KHDRBS2: variants seen among roughly 807,000 people sequenced by gnomAD.
The protein encoded by KHDRBS2 is KH domain-containing, RNA-binding, signal transduction-associated protein 2.
A neutral mutation model predicts 44.3 loss-of-function variants in KHDRBS2; 26 were observed. That is an observed-to-expected ratio of 0.59 (90% CI 0.43 to 0.81). KHDRBS2 has a LOEUF of 0.81. KHDRBS2 is among the 40% of genes least tolerant of loss of function. KHDRBS2 has a pLI of 0.00. For synonymous variants in KHDRBS2, 194 were observed against 151.1 expected (o/e 1.28, Z -2.08); for missense variants, 476 against 433.1 (o/e 1.10, Z -0.88).
At chr6:61,584,476 A>G in the KHDRBS2 span, among the ~76,000 whole-genome samples, 6 of 151,892 alleles carry the variant, frequency 4.0e-5, no homozygotes, top group Non-Finnish European at 7.4e-5. Flanking sequence ...AATCTGCTAA[A>G]GTGATTAACT....
chr6:61,599,233 C>T, the KHDRBS2 span, among the ~76,000 whole-genome samples: 423 of 152,178 alleles, frequency 2.8e-3, no homozygotes, highest in Admixed American at 3.5e-3. Context: ...CTGATTTATA[C>T]GCTCTTTTTG....
At chr6:62,065,723 T>C (rs1793492051) in intron 2 of KHDRBS2, among the ~76,000 whole-genome samples, 1 of 150,172 alleles carries the variant, frequency 6.7e-6, no homozygotes, top group Non-Finnish European at 1.5e-5. Context: ...GCATGGCACA[T>C]GTATACATAT....
chr6:61,639,256 T>G, the KHDRBS2 span, among the ~76,000 whole-genome samples: 1 of 152,100 alleles, frequency 6.6e-6, no homozygotes, highest in Non-Finnish European at 1.5e-5. Context: ...CTTTTTAGCT[T>G]GCCATTCAAT....
At chr6:61,993,515 C>T (rs1463726465) in intron 3 of KHDRBS2, among the ~76,000 whole-genome samples, 2 of 151,218 alleles carry the variant, frequency 1.3e-5, no homozygotes, top group African/African-American at 4.8e-5. Context: ...AGCATATCCC[C>T]CTCCCCACCA....
At chr6:62,275,467 AT>A (rs1585567578) in intron 1 of KHDRBS2, among the ~76,000 whole-genome samples, 1 of 152,234 alleles carries the variant, frequency 6.6e-6, no homozygotes, top group East Asian at 1.9e-4. Flanking sequence ...TCCATTTATC[AT>A]TTTCAGGAAT....
At chr6:61,567,359 C>T in the KHDRBS2 span, among the ~76,000 whole-genome samples, 1 of 152,290 alleles carries the variant, frequency 6.6e-6, no homozygotes, top group African/African-American at 2.4e-5. Context: ...CTGTCTTGGT[C>T]ACAAAGATAA....
intron 6 of KHDRBS2, among the ~76,000 whole-genome samples, chr6:61,757,537 A>G (rs961310865): frequency 6.6e-6 from 1 of 152,144 alleles, no homozygotes; most frequent in African/African-American, 2.4e-5. Context: ...GTGACAATCT[A>G]TGGGTTTTAA....
At chr6:62,073,900 A>G (rs1428697340) in intron 2 of KHDRBS2, among the ~76,000 whole-genome samples, 1 of 151,772 alleles carries the variant, frequency 6.6e-6, no homozygotes, top group Non-Finnish European at 1.5e-5. Flanking sequence ...AGAACGGCAG[A>G]TCACTTTGGA....
intron 6 of KHDRBS2, among the ~76,000 whole-genome samples, chr6:61,861,645 G>A (rs1042368679): frequency 4.8e-5 from 7 of 144,834 alleles, no homozygotes; most frequent in Admixed American, 3.4e-4. Flanking sequence ...CAGGTAGCAC[G>A]ATGCCTCCAG....
intron 4 of KHDRBS2, among the ~76,000 whole-genome samples, chr6:61,907,121 T>C (rs76742956): frequency 1.3e-5 from 2 of 152,220 alleles, no homozygotes; most frequent in Admixed American, 6.5e-5. Flanking sequence ...TGATATCTCA[T>C]TGCAGTTTTG....
chr6:61,707,353 T>C (rs568501498), intron 7 of KHDRBS2, among the ~76,000 whole-genome samples: 7 of 151,754 alleles, frequency 4.6e-5, no homozygotes, highest in Admixed American at 2.0e-4. Flanking sequence ...TTCTTCATCT[T>C]TGCCATCAGG....
intron 2 of KHDRBS2, among the ~76,000 whole-genome samples, chr6:62,092,122 T>C (rs1457203488): frequency 1.3e-5 from 2 of 152,062 alleles, no homozygotes; most frequent in Admixed American, 6.6e-5. Context: ...TCTCCAGTTT[T>C]TTTTTTTAAT....
intron 6 of KHDRBS2, among the ~76,000 whole-genome samples, chr6:61,805,705 G>T (rs1787041820): frequency 6.6e-6 from 1 of 152,048 alleles, no homozygotes; most frequent in African/African-American, 2.4e-5. Context: ...GAGTGAAGGG[G>T]GCTAAAGTCC....
chr6:62,203,672 C>T lies in KHDRBS2; in HGVS notation c.92-26360G>A, dbSNP rs866216102. ...AGGAGTGCACAAGGGGTAGCCATAG[C>T]TGAATCATAAAAGACTTTATATAAA... On this transcript the variant is annotated intron_variant, in intron 1 of 8. Transcript: ENST00000281156. Among the ~76,000 whole-genome samples, 3 of 152,140 alleles carry T rather than the reference C, an allele frequency of 2.0e-5. No homozygotes were observed. The Middle Eastern group carries it at 0.01, about 517-fold the overall frequency.
chr6:61,600,189 C>T, the KHDRBS2 span, among the ~76,000 whole-genome samples: 1 of 152,172 alleles, frequency 6.6e-6, no homozygotes, highest in African/African-American at 2.4e-5. Flanking sequence ...TGGTAAGTGT[C>T]AGGCCTCTGA....
chr6:61,873,540 A>G (rs1314981022), intron 6 of KHDRBS2, among the ~76,000 whole-genome samples: 1 of 151,794 alleles, frequency 6.6e-6, no homozygotes, highest in Admixed American at 6.6e-5. Context: ...TAGAAGAACA[A>G]TTTATCTCAA....
the KHDRBS2 span, among the ~76,000 whole-genome samples, chr6:61,643,550 C>A: frequency 2.0e-5 from 3 of 152,090 alleles, no homozygotes; most frequent in Non-Finnish European, 2.9e-5. Flanking sequence ...AATTCTACCT[C>A]CAGAAAGCCC....
intron 1 of KHDRBS2, among the ~76,000 whole-genome samples, chr6:62,227,910 T>TG: frequency 6.6e-6 from 1 of 152,222 alleles, no homozygotes; most frequent in South Asian, 2.1e-4. Flanking sequence ...GATGTGCTGC[T>TG]GGATTTGGTT....
chr6:61,543,923 T>C, the KHDRBS2 span, among the ~76,000 whole-genome samples: 1 of 151,750 alleles, frequency 6.6e-6, no homozygotes, highest in Non-Finnish European at 1.5e-5. Flanking sequence ...ATGGAGACAG[T>C]GAGGAGAATG....
Sources: gnomAD v4.1 joint callset for allele counts (sites outside exome capture counted in the v4.1 genomes callset) on GRCh38, gnomAD v4.1.1 for gene constraint, MANE v1.5 for transcripts, NCBI Gene and HGNC (gene_info 2026-07-23, HGNC 2026-07-21) for gene names.